The following PHACTR1 variants were observed in gnomAD, a reference collection of about 807,000 sequenced individuals.
PHACTR1 encodes the protein phosphatase and actin regulator 1, also known as RPEL repeat containing 1.
Under a neutral mutation model 69.2 loss-of-function variants are expected in PHACTR1, and 16 were observed. The observed-to-expected ratio is 0.23, with a 90% CI of 0.16 to 0.35. The LOEUF is 0.35. PHACTR1 is among the 10% of genes least tolerant of loss of function. PHACTR1 has a pLI of 1.00. For synonymous variants in PHACTR1, 312 were observed against 284.5 expected (o/e 1.10, Z -0.97); for missense variants, 510 against 734.7 (o/e 0.69, Z 3.54).
intron 10 of PHACTR1, chr6:13,252,951 G>C: frequency 2.7e-6 from 1 of 373,560 alleles, no homozygotes; most frequent in East Asian, 7.7e-5. Flanking sequence ...TTCGTTTCCA[G>C]GTTTCTAAAT....
At chr6:13,250,306 A>G (rs1033622385) in intron 10 of PHACTR1, among the ~76,000 whole-genome samples, 1 of 152,236 alleles carries the variant, frequency 6.6e-6, no homozygotes, top group Non-Finnish European at 1.5e-5. Context: ...AACTAAATTC[A>G]TCCTCACACA....
At chr6:13,142,763 C>T (rs1318556601) in intron 5 of PHACTR1, among the ~76,000 whole-genome samples, 1 of 151,928 alleles carries the variant, frequency 6.6e-6, no homozygotes. Flanking sequence ...CATCTCTATG[C>T]CTGTTTTTAT....
chr6:13,202,594 C>G (rs1465142738), intron 7 of PHACTR1, among the ~76,000 whole-genome samples: 2 of 151,652 alleles, frequency 1.3e-5, no homozygotes, highest in African/African-American at 4.9e-5. Flanking sequence ...TCTCCTGCCT[C>G]AGCCTCCCAA....
chr6:12,777,343 C>T (rs911835924), intron 4 of PHACTR1, among the ~76,000 whole-genome samples: 2 of 151,518 alleles, frequency 1.3e-5, no homozygotes, highest in African/African-American at 4.8e-5. Context: ...TTTCATCGCC[C>T]AGGTAATAAG....
intron 4 of PHACTR1, among the ~76,000 whole-genome samples, chr6:12,751,907 G>A (rs1382930243): frequency 2.0e-5 from 3 of 152,212 alleles, no homozygotes; most frequent in Non-Finnish European, 4.4e-5. Flanking sequence ...CTCCCTTGGT[G>A]GTGCTGAAGC....
chr6:13,119,632 A>G (rs1818398269), intron 5 of PHACTR1, among the ~76,000 whole-genome samples: 2 of 152,066 alleles, frequency 1.3e-5, no homozygotes, highest in Admixed American at 6.6e-5. Flanking sequence ...TCTGCTTCCT[A>G]CTGAGGAGGA....
chr6:12,964,213 G>A (rs188723950), intron 4 of PHACTR1, among the ~76,000 whole-genome samples: 8 of 152,146 alleles, frequency 5.3e-5, no homozygotes, highest in Admixed American at 1.3e-4. Flanking sequence ...AAAGAGTTCC[G>A]CAGTATATGA....
At chr6:12,998,681 G>C (rs1018152354) in intron 4 of PHACTR1, among the ~76,000 whole-genome samples, 1 of 151,266 alleles carries the variant, frequency 6.6e-6, no homozygotes, top group East Asian at 1.9e-4. Context: ...TCAACAATTG[G>C]TAAGTTTAAA....
chr6:12,718,668 A>C, intron 2 of PHACTR1, 31 bp from the exon 3 acceptor site: 2 of 670,964 alleles, frequency 3.0e-6, no homozygotes, highest in Non-Finnish European at 4.9e-6. Context: ...TGACGTCTAA[A>C]ATATTGTGGA....
At chr6:12,755,995 G>A (rs896897480) in intron 4 of PHACTR1, among the ~76,000 whole-genome samples, 3 of 151,968 alleles carry the variant, frequency 2.0e-5, no homozygotes, top group African/African-American at 7.3e-5. Context: ...TTTTCTTCAC[G>A]TGCATATAAA....
intron 4 of PHACTR1, among the ~76,000 whole-genome samples, chr6:12,857,610 A>AAG (rs1435143520): frequency 2.0e-5 from 3 of 151,708 alleles, no homozygotes; most frequent in African/African-American, 7.3e-5. Flanking sequence ...TTAAAAAAAA[A>AAG]AAAAAATTCT....
At chr6:13,266,020 T>C (rs563554651) in intron 10 of PHACTR1, among the ~76,000 whole-genome samples, 23 of 152,318 alleles carry the variant, frequency 1.5e-4, no homozygotes, top group African/African-American at 5.3e-4. Context: ...GCTTCATTCA[T>C]ATGTCTCAGG....
chr6:13,217,787 G>A (rs2127263731), intron 8 of PHACTR1, among the ~76,000 whole-genome samples: 1 of 152,292 alleles, frequency 6.6e-6, no homozygotes, highest in Non-Finnish European at 1.5e-5. Flanking sequence ...ACCACACAAT[G>A]TATGCCTGCT....
At chr6:13,084,442 G>A (rs1211492066) in intron 5 of PHACTR1, among the ~76,000 whole-genome samples, 1 of 151,410 alleles carries the variant, frequency 6.6e-6, no homozygotes, top group Non-Finnish European at 1.5e-5. Context: ...GTTAATGGGT[G>A]CAGCATACCA....
intron 3 of PHACTR1, among the ~76,000 whole-genome samples, chr6:12,734,925 T>C (rs1024472277): frequency 6.6e-6 from 1 of 152,250 alleles, no homozygotes; most frequent in Non-Finnish European, 1.5e-5. Context: ...CAATTGATGC[T>C]CTGAGTCCAT....
chr6:12,726,927 C>T (rs370897278), intron 3 of PHACTR1, among the ~76,000 whole-genome samples: 7 of 152,222 alleles, frequency 4.6e-5, no homozygotes, highest in African/African-American at 1.7e-4. Flanking sequence ...GTTTTCCAGA[C>T]CTTTGTCTCT....
chr6:12,918,924 T>C (rs1176104606), intron 4 of PHACTR1, among the ~76,000 whole-genome samples: 1 of 152,184 alleles, frequency 6.6e-6, no homozygotes, highest in Non-Finnish European at 1.5e-5. Context: ...GCGAAATTTC[T>C]TTGATTTTTA....
chr6:12,820,905 T>C (rs1221283008), intron 4 of PHACTR1, among the ~76,000 whole-genome samples: 1 of 151,968 alleles, frequency 6.6e-6, no homozygotes, highest in Non-Finnish European at 1.5e-5. Flanking sequence ...AAGGAAAAAA[T>C]AGACAAAAAG....
chr6:13,058,804 G>A (rs1328151461), intron 5 of PHACTR1, among the ~76,000 whole-genome samples: 5 of 152,110 alleles, frequency 3.3e-5, no homozygotes, highest in African/African-American at 9.7e-5. Flanking sequence ...GAGGTGAGCC[G>A]TCTAGGAGAG....
Sources: allele counts gnomAD v4.1 joint callset (sites outside exome capture counted in the v4.1 genomes callset), GRCh38; gene constraint gnomAD v4.1.1; transcripts MANE v1.5; gene names NCBI Gene and HGNC (gene_info 2026-07-23, HGNC 2026-07-21).